EHMT1: variants seen among roughly 807,000 people sequenced by gnomAD.
EHMT1 encodes the protein histone-lysine N-methyltransferase EHMT1.
A neutral mutation model predicts 147.2 loss-of-function variants in EHMT1; 15 were observed. The observed-to-expected ratio is 0.10, with a 90% CI of 0.07 to 0.16. EHMT1 has a LOEUF of 0.16. Among genes scored for constraint, EHMT1 ranks in the 10% least tolerant of loss-of-function variants. The probability of loss-of-function intolerance (pLI) is 1.00; values close to 1 mark genes in which losing one functional copy is unlikely to be tolerated. For missense variants in EHMT1, 1,587 were observed against 1,772.4 expected (o/e 0.90, Z 1.88); for synonymous variants, 795 against 709.6 (o/e 1.12, Z -1.91).
chr9:137,749,939 G>C (rs538344457), intron 6 of EHMT1, among the ~76,000 whole-genome samples: 1 of 152,370 alleles, frequency 6.6e-6, no homozygotes, highest in African/African-American at 2.4e-5. Flanking sequence ...CGTGAAGCAA[G>C]GGAGGAGAGG....
chr9:137,660,459 G>T (rs150931374), intron 1 of EHMT1, among the ~76,000 whole-genome samples: 1 of 152,228 alleles, frequency 6.6e-6, no homozygotes, highest in East Asian at 1.9e-4. Context: ...ATGTGTGGGG[G>T]TTTCTGTTTT....
At chr9:137,688,323 G>A (rs892980209) in intron 1 of EHMT1, among the ~76,000 whole-genome samples, 5 of 152,146 alleles carry the variant, frequency 3.3e-5, no homozygotes, top group African/African-American at 9.7e-5. Context: ...TGTGCCCAGC[G>A]TGGAACTGTT....
chr9:137,720,165 G>A (rs1216946818), intron 3 of EHMT1, among the ~76,000 whole-genome samples: 2 of 150,254 alleles, frequency 1.3e-5, no homozygotes, highest in Non-Finnish European at 3.0e-5. Flanking sequence ...CAGTCGAGGT[G>A]CCGAACCCCC....
chr9:137,832,476 C>CGG (rs1173044377), intron 25 of EHMT1, among the ~76,000 whole-genome samples: 1 of 130,632 alleles, frequency 7.7e-6, no homozygotes, highest in Non-Finnish European at 1.6e-5. Flanking sequence ...GCCTCCCACG[C>CGG]GGCCTCTGCA....
chr9:137,807,478 CTTATTTATTTAT>C lies in EHMT1; in HGVS notation c.2713-3956_2713-3945del, dbSNP rs60007941. Among the ~76,000 whole-genome samples, 147 of 148,110 alleles carry C rather than the reference CTTATTTATTTAT, an allele frequency of 9.9e-4. 1 individual carries two copies. The highest frequency in any genetic ancestry group is 2.4e-3 in the South Asian group (11 of 4,616). On this transcript the variant is annotated intron_variant, in intron 18 of 26. Transcript: ENST00000460843. ...ACAGTTATACCAATGGCTTTATTTA[CTTATTTATTTAT>C]TTATTTATTTATTTATTTATTTATT...
In EHMT1 at chr9:137,780,290, G is replaced by A. The variant is rs566438981; in HGVS notation, c.2275+573G>A. Among the ~76,000 whole-genome samples the A allele has an allele frequency of 2.0e-3, 279 of 141,696 alleles. 1 individual carries two copies. The highest frequency in any genetic ancestry group is 0.019 in the Middle Eastern group (5 of 270). The allele number at this position is 141,696 out of a possible 152,430, so 93.0% of individuals were successfully genotyped here. A position where few individuals can be genotyped will look rare whatever the true frequency, so the allele number is the denominator to read the frequency against. On this transcript the variant is annotated intron_variant, in intron 14 of 26. Transcript: ENST00000460843. ...TGTGGTGATGATGCTGGGATGTGTG[G>A]TGATGACGCTGAGATGTGTGGTGAT...
At position 137,709,220 on chromosome 9, in the gene EHMT1, C is replaced by T. The variant is rs749528267; in HGVS notation, c.22-1747C>T. 3.9e-4 allele frequency among the ~76,000 whole-genome samples: 59 copies of T among 152,126 alleles called. 1 individual carries two copies. Among genetic ancestry groups the T allele is most frequent in the Non-Finnish European group, 1.6e-4 (11 of 68,042 alleles). On this transcript the variant is annotated intron_variant, in intron 1 of 26. Coordinates refer to ENST00000460843, the MANE Select transcript of EHMT1 (RefSeq NM_024757.5). ...ACTCCTGGAAGGATTGCAGGGACCC[C>T]GGAGAGCTCCTGTTGGGGGGTAGGT... is the stretch of plus-strand genomic sequence containing the variant.
intron 10 of EHMT1, among the ~76,000 whole-genome samples, chr9:137,767,885 G>A (rs1324023846): frequency 6.6e-6 from 1 of 152,040 alleles, no homozygotes; most frequent in Admixed American, 6.6e-5. Context: ...AGAAAATTTT[G>A]GATTTTGGAA....
intron 1 of EHMT1, among the ~76,000 whole-genome samples, chr9:137,665,327 T>G (rs1269674651): frequency 6.6e-6 from 1 of 152,100 alleles, no homozygotes; most frequent in African/African-American, 2.4e-5. Context: ...GGGGTGGGCA[T>G]AGGAGGTGAT....
chr9:137,807,444 C>G (rs1188653580), intron 18 of EHMT1, among the ~76,000 whole-genome samples: 1 of 151,896 alleles, frequency 6.6e-6, no homozygotes, highest in East Asian at 1.9e-4. Flanking sequence ...ACTTTCGAAC[C>G]TATAGAATAC....
intron 25 of EHMT1, 53 bp from the exon 26 acceptor site, chr9:137,834,296 C>G: frequency 4.4e-6 from 7 of 1,606,624 alleles, no homozygotes; most frequent in Non-Finnish European, 5.9e-6. Flanking sequence ...CCGGCGAGGC[C>G]GGCGTGTCGG....
intron 10 of EHMT1, among the ~76,000 whole-genome samples, chr9:137,765,840 T>C (rs1950184069): frequency 6.6e-6 from 1 of 152,128 alleles, no homozygotes; most frequent in Non-Finnish European, 1.5e-5. Flanking sequence ...TATATTGTTC[T>C]CGGTCCCTTC....
intron 22 of EHMT1, among the ~76,000 whole-genome samples, chr9:137,814,983 G>C (rs1035639889): frequency 6.6e-6 from 1 of 152,122 alleles, no homozygotes; most frequent in African/African-American, 2.4e-5. Context: ...CAGGTTGGAG[G>C]CTGCTGAGGA....
intron 1 of EHMT1, among the ~76,000 whole-genome samples, chr9:137,659,950 C>T (rs533968716): frequency 2.6e-5 from 4 of 151,856 alleles, no homozygotes; most frequent in East Asian, 3.9e-4. Context: ...AGTGCTTAGC[C>T]GAGGTTTTGT....
intron 1 of EHMT1, among the ~76,000 whole-genome samples, chr9:137,674,117 A>G (rs973502156): frequency 2.6e-5 from 4 of 152,184 alleles, no homozygotes; most frequent in Non-Finnish European, 5.9e-5. Context: ...GAGACGTTCT[A>G]AAACACCAAG....
intron 1 of EHMT1, among the ~76,000 whole-genome samples, chr9:137,626,103 G>T (rs1295354970): frequency 1.3e-5 from 2 of 150,866 alleles, no homozygotes; most frequent in African/African-American, 4.9e-5. Context: ...CTGACCTCAG[G>T]TGATCCACCC....
chr9:137,808,887 G>A (rs1200963626), intron 18 of EHMT1, among the ~76,000 whole-genome samples: 2 of 152,080 alleles, frequency 1.3e-5, no homozygotes, highest in Non-Finnish European at 2.9e-5. Flanking sequence ...CGTGCCAACT[G>A]CATTCCAGCC....
chr9:137,762,790 G>A lies in EHMT1; in HGVS notation c.1617G>A (p.Gln539=), dbSNP rs757552592. 3.1e-6 allele frequency: 5 copies of A among 1,614,116 alleles called. No homozygotes were observed. The highest frequency in any genetic ancestry group is 1.3e-5 in the African/African-American group (1 of 74,936). ...AGATCACCACACTGGCCAACAACCA[G>A]TGCATGGCTACAGAGAGCGTGGACC... The part of the protein sequence containing the change: ...SREITTLANN[Q]CMATESVDHE... The change falls in exon 10 of 27, where the codon CAG becomes CAA. Residue 539 remains glutamine, a synonymous_variant. Coordinates refer to ENST00000460843, the MANE Select transcript of EHMT1 (RefSeq NM_024757.5).
intron 3 of EHMT1, among the ~76,000 whole-genome samples, chr9:137,720,310 T>C (rs766808259): frequency 6.6e-6 from 1 of 151,886 alleles, no homozygotes; most frequent in Non-Finnish European, 1.5e-5. Context: ...TTTTGTCATT[T>C]CTTTTTTTTT....
Sources: allele counts gnomAD v4.1 joint callset (sites outside exome capture counted in the v4.1 genomes callset), GRCh38; gene constraint gnomAD v4.1.1; transcripts MANE v1.5; gene names NCBI Gene and HGNC (gene_info 2026-07-23, HGNC 2026-07-21).